The following CNTNAP4 variants were observed in gnomAD, a reference collection of about 807,000 sequenced individuals.
CNTNAP4 encodes contactin-associated protein-like 4.
CNTNAP4 carries 98 observed loss-of-function variants against 148.4 expected under a neutral mutation model. That is an observed-to-expected ratio of 0.66 (90% CI 0.56 to 0.78). CNTNAP4 has a LOEUF of 0.78. Among genes scored for constraint, CNTNAP4 ranks in the 30% least tolerant of loss-of-function variants. The pLI is 0.00. For missense variants in CNTNAP4, 1,935 were observed against 1,565.6 expected (o/e 1.24, Z -3.98); for synonymous variants, 730 against 565.1 (o/e 1.29, Z -4.14).
At chr16:76,470,014 G>C (rs1248180438) in intron 10 of CNTNAP4, among the ~76,000 whole-genome samples, 2 of 152,070 alleles carry the variant, frequency 1.3e-5, no homozygotes, top group African/African-American at 4.8e-5. Flanking sequence ...AAAAATCTGT[G>C]TACCAGGCCT....
chr16:76,395,745 T>C, intron 3 of CNTNAP4, among the ~76,000 whole-genome samples: 1 of 152,042 alleles, frequency 6.6e-6, no homozygotes, highest in South Asian at 2.1e-4. Context: ...GGTTTTTTTT[T>C]TTCGACAAGG....
intron 3 of CNTNAP4, among the ~76,000 whole-genome samples, chr16:76,374,751 T>TTATTATTAG (rs201044879): frequency 0.056 from 7,156 of 126,980 alleles, 261 homozygotes; most frequent in Non-Finnish European, 0.081. Flanking sequence ...ACTATTATTA[T>TTATTATTAG]TATTATTATT....
intron 1 of CNTNAP4, among the ~76,000 whole-genome samples, chr16:76,290,481 A>C (rs1009479609): frequency 3.9e-5 from 6 of 152,242 alleles, no homozygotes; most frequent in Middle Eastern, 6.8e-3. Flanking sequence ...AGTGGCAGGC[A>C]CTCGCTCATG....
intron 3 of CNTNAP4, among the ~76,000 whole-genome samples, chr16:76,391,547 T>G (rs576178172): frequency 5.3e-5 from 8 of 152,216 alleles, no homozygotes; most frequent in African/African-American, 1.9e-4. Flanking sequence ...TTGTCTTGTA[T>G]GCTATTCAAC....
At chr16:76,285,773 C>A (rs1438315684) in intron 1 of CNTNAP4, among the ~76,000 whole-genome samples, 1 of 151,554 alleles carries the variant, frequency 6.6e-6, no homozygotes, top group African/African-American at 2.4e-5. Flanking sequence ...GTATTTTTTT[C>A]AATGTCCTTT....
At chr16:76,282,080 T>C (rs1174186236) in intron 1 of CNTNAP4, among the ~76,000 whole-genome samples, 1 of 151,902 alleles carries the variant, frequency 6.6e-6, no homozygotes, top group African/African-American at 2.4e-5. Flanking sequence ...ATGAAAAGTG[T>C]ATAAATTATA....
Position 76,553,412 on chromosome 16 carries a change from T to A in CNTNAP4, c.3572T>A (p.Val1191Asp). 9 of 1,612,620 alleles carry A rather than the reference T, an allele frequency of 5.6e-6. No individual in the cohort carries two copies. The highest frequency in any genetic ancestry group is 7.6e-6 in the Non-Finnish European group (9 of 1,179,320). ...CTGCACCCCAGCCACCCAGACCCTGTCACTGTTACAGGACACGTGACTGAG... is the reference window on the plus strand; with the variant it reads ...CTGCACCCCAGCCACCCAGACCCTGACACTGTTACAGGACACGTGACTGAG... ...AALHPSHPDPVTVTGHVTESS... is the reference protein window; with the variant it reads ...AALHPSHPDPDTVTGHVTESS... The change falls in exon 22 of 24, where the codon GTC becomes GAC. Residue 1191 changes from valine (V) to aspartate (D), a missense_variant. Val to Asp is a radical substitution (Grantham distance 152, BLOSUM62 -3). Coordinates refer to ENST00000611870, the MANE Select transcript of CNTNAP4 (RefSeq NM_033401.5).
In CNTNAP4 at chr16:76,349,982, TC is replaced by T. The variant is rs969266208; in HGVS notation, c.197-5335del. ...TAAAGCTCCAACTAAGAGTATTTTT[TC>T]TTCACTTTTTCCTTTTACTTCCCTG... is the stretch of plus-strand genomic sequence containing the variant. On this transcript the variant is annotated intron_variant, in intron 2 of 23. Transcript: ENST00000611870. 7.2e-5 allele frequency among the ~76,000 whole-genome samples: 11 copies of T among 152,118 alleles called. No homozygotes were observed. The South Asian group carries it at 8.3e-4, about 11-fold the overall frequency.
chr16:76,452,817 C>T, intron 8 of CNTNAP4, 48 bp downstream of exon 8: 1 of 1,460,632 alleles, frequency 6.8e-7, no homozygotes, highest in East Asian at 2.4e-5. Context: ...TGAAAGATTT[C>T]ATTATCTCTG....
At chr16:76,329,205 G>T (rs1424095648) in intron 2 of CNTNAP4, among the ~76,000 whole-genome samples, 1 of 152,110 alleles carries the variant, frequency 6.6e-6, no homozygotes, top group African/African-American at 2.4e-5. Context: ...AATTAATATG[G>T]ACTGAATGTC....
chr16:76,481,494 A>G (rs746880337), intron 12 of CNTNAP4, among the ~76,000 whole-genome samples: 2 of 152,180 alleles, frequency 1.3e-5, no homozygotes, highest in Non-Finnish European at 2.9e-5. Context: ...AGGCTGGGCA[A>G]CATAGTGAGA....
chr16:76,439,207 A>T (rs369700694), intron 4 of CNTNAP4, among the ~76,000 whole-genome samples: 9 of 147,806 alleles, frequency 6.1e-5, no homozygotes, highest in African/African-American at 1.7e-4. Context: ...TGGCTGAATT[A>T]AAAAAAATCT....
At chr16:76,355,540 C>G (rs779525434) in intron 3 of CNTNAP4, 29 bp downstream of exon 3, 3 of 1,538,664 alleles carry the variant, frequency 1.9e-6, no homozygotes, top group Admixed American at 2.0e-5. Context: ...GACATAGTCT[C>G]TCGGGGAAAA....
At chr16:76,334,348 T>C (rs1288534279) in intron 2 of CNTNAP4, among the ~76,000 whole-genome samples, 1 of 152,076 alleles carries the variant, frequency 6.6e-6, no homozygotes, top group African/African-American at 2.4e-5. Context: ...TTTTTGCAGA[T>C]TGGGTCTGTG....
At position 76,289,785 on chromosome 16, in the gene CNTNAP4, G is replaced by A. The variant is rs557006231; in HGVS notation, c.85+12038G>A. Among the ~76,000 whole-genome samples, 6 of 152,064 alleles carry A rather than the reference G, an allele frequency of 3.9e-5. No individual in the cohort carries two copies. The South Asian group carries it at 1.0e-3, about 26-fold the overall frequency. ...GGGGTTTCACCATGTTGGTCAAGCT[G>A]GTCTTGAACTGCTGGACTCAAGTGA... On this transcript the variant is annotated intron_variant, in intron 1 of 23. Transcript: ENST00000611870.
chr16:76,353,818 C>A (rs1185037443), intron 2 of CNTNAP4, among the ~76,000 whole-genome samples: 3 of 152,108 alleles, frequency 2.0e-5, no homozygotes, highest in Non-Finnish European at 4.4e-5. Context: ...ATGCTGTGTT[C>A]CACCATCAAA....
At chr16:76,363,349 A>T (rs2013678426) in intron 3 of CNTNAP4, among the ~76,000 whole-genome samples, 1 of 152,028 alleles carries the variant, frequency 6.6e-6, no homozygotes, top group African/African-American at 2.4e-5. Flanking sequence ...TTCAGTAGAG[A>T]CTGGGCTTCA....
At chr16:76,380,531 T>A (rs1432358398) in intron 3 of CNTNAP4, among the ~76,000 whole-genome samples, 2 of 152,232 alleles carry the variant, frequency 1.3e-5, no homozygotes, top group African/African-American at 4.8e-5. Context: ...TTCCCCATTT[T>A]AAAAATGCTT....
intron 10 of CNTNAP4, among the ~76,000 whole-genome samples, chr16:76,472,147 T>A (rs1252798582): frequency 6.6e-6 from 1 of 151,832 alleles, no homozygotes; most frequent in Admixed American, 6.6e-5. Flanking sequence ...ATCAATTGTC[T>A]TATCTTGTAT....
Sources: allele counts gnomAD v4.1 joint callset (sites outside exome capture counted in the v4.1 genomes callset), GRCh38; gene constraint gnomAD v4.1.1; transcripts MANE v1.5; gene names NCBI Gene and HGNC (gene_info 2026-07-23, HGNC 2026-07-21).